The following RGS12 variants were observed in gnomAD, a reference collection of about 807,000 sequenced individuals.
RGS12 encodes regulator of G-protein signaling 12.
Under a neutral mutation model 120.1 loss-of-function variants are expected in RGS12, and 66 were observed. The observed-to-expected ratio is 0.55, with a 90% CI of 0.45 to 0.67. The LOEUF (loss-of-function observed/expected upper bound fraction) is 0.67. Among genes scored for constraint, RGS12 ranks in the 30% least tolerant of loss-of-function variants. The pLI, the probability that RGS12 is intolerant of heterozygous loss-of-function variation, is 0.00. For missense variants in RGS12, 1,859 were observed against 1,957.7 expected (o/e 0.95, Z 0.95); for synonymous variants, 827 against 804.7 (o/e 1.03, Z -0.47).
At chr4:3,412,821 C>T (rs28489501) in intron 4 of RGS12, among the ~76,000 whole-genome samples, 7,507 of 152,364 alleles carry the variant, frequency 0.049, 588 homozygotes, top group African/African-American at 0.17. Flanking sequence ...AAGGACAGCC[C>T]GTGTGGGACA....
At chr4:3,347,102 A>G (rs542087844) in intron 3 of RGS12, among the ~76,000 whole-genome samples, 1 of 152,198 alleles carries the variant, frequency 6.6e-6, no homozygotes, top group South Asian at 2.1e-4. Flanking sequence ...TTTTGTTTTC[A>G]CAGAAGTATA....
intron 3 of RGS12, among the ~76,000 whole-genome samples, chr4:3,367,297 G>A (rs894382936): frequency 3.3e-5 from 5 of 152,266 alleles, no homozygotes; most frequent in East Asian, 3.9e-4. Flanking sequence ...GGCTGAGAAC[G>A]GCTCGCCCTT....
Position 3,316,051 on chromosome 4 carries a change from G to A in RGS12, c.-101-19G>A, listed in dbSNP as rs1578709169. ...AAGATGGGCTCTTTAATAATGAGCTGTTCGTTTTTCTTTCTTAGGGCACTG... is the reference window on the plus strand; with the variant it reads ...AAGATGGGCTCTTTAATAATGAGCTATTCGTTTTTCTTTCTTAGGGCACTG... On this transcript the variant is annotated intron_variant, in intron 1 of 17. Coordinates refer to ENST00000336727, the MANE Select transcript of RGS12 (RefSeq NM_001394154.1). 8.2e-6 allele frequency: 8 copies of A among 971,698 alleles called. No individual in the cohort carries two copies. The East Asian group carries it at 2.0e-4, about 24-fold the overall frequency. 60.2% of individuals were successfully genotyped at this position (971,698 alleles called of 1,614,324 possible). A position where few individuals can be genotyped will look rare whatever the true frequency, so the allele number is the denominator to read the frequency against.
At chr4:3,397,049 C>A (rs1397391202) in intron 4 of RGS12, among the ~76,000 whole-genome samples, 2 of 152,150 alleles carry the variant, frequency 1.3e-5, no homozygotes, top group Non-Finnish European at 2.9e-5. Context: ...TTTTAAAAAA[C>A]CATCTCTTCT....
chr4:3,423,400 G>A, intron 12 of RGS12, 115 bp from the exon 13 acceptor site: 1 of 1,376,546 alleles, frequency 7.3e-7, no homozygotes, highest in Admixed American at 1.7e-5. Context: ...CTGAACTGGG[G>A]GGCACACCGA....
intron 2 of RGS12, among the ~76,000 whole-genome samples, chr4:3,327,480 G>GT (rs1311375896): frequency 6.6e-6 from 1 of 152,214 alleles, no homozygotes; most frequent in East Asian, 1.9e-4. Flanking sequence ...AATCAACAGA[G>GT]TGAACAGATA....
At chr4:3,322,969 C>G (rs1182887708) in intron 2 of RGS12, among the ~76,000 whole-genome samples, 1 of 152,154 alleles carries the variant, frequency 6.6e-6, no homozygotes, top group Non-Finnish European at 1.5e-5. Context: ...TGGAGAAATA[C>G]CTTATGGGTG....
chr4:3,360,017 C>A (rs1443426369), intron 3 of RGS12, among the ~76,000 whole-genome samples: 1 of 152,178 alleles, frequency 6.6e-6, no homozygotes, highest in Non-Finnish European at 1.5e-5. Context: ...GCCTTGGCCT[C>A]CCAAAGTGCT....
chr4:3,370,027 A>G, intron 3 of RGS12: 2 of 1,256,536 alleles, frequency 1.6e-6, no homozygotes, highest in South Asian at 3.4e-5. Flanking sequence ...GAAATAGTTT[A>G]AAAATGATCT....
chr4:3,353,945 A>G (rs1264133019), intron 3 of RGS12, among the ~76,000 whole-genome samples: 2 of 152,146 alleles, frequency 1.3e-5, no homozygotes, highest in Non-Finnish European at 2.9e-5. Flanking sequence ...CAAGTGGCCA[A>G]CAGCCCTATG....
chr4:3,379,043 G>GTGTGTA (rs1366554186), intron 3 of RGS12, among the ~76,000 whole-genome samples: 1,372 of 135,384 alleles, frequency 0.01, 28 homozygotes, highest in African/African-American at 0.034. Flanking sequence ...GTGTGTGTGT[G>GTGTGTA]TGTTTAGAGA....
chr4:3,410,173 A>G (rs181091556), intron 4 of RGS12, among the ~76,000 whole-genome samples: 2 of 152,370 alleles, frequency 1.3e-5, no homozygotes, highest in East Asian at 3.9e-4. Flanking sequence ...AGCATAAAAT[A>G]TAGCAAGGTT....
intron 4 of RGS12, among the ~76,000 whole-genome samples, chr4:3,402,274 G>T (rs16844276): frequency 6.6e-6 from 1 of 152,166 alleles, no homozygotes; most frequent in African/African-American, 2.4e-5. Flanking sequence ...TGGCCACCAT[G>T]GCTGAGAGCA....
chr4:3,287,487 G>A, the RGS12 span, among the ~76,000 whole-genome samples: 23 of 152,332 alleles, frequency 1.5e-4, no homozygotes, highest in African/African-American at 5.0e-4. Context: ...AGGGGTTCAC[G>A]CCACACACGT....
intron 17 of RGS12, among the ~76,000 whole-genome samples, chr4:3,436,251 G>C (rs982796158): frequency 2.6e-5 from 4 of 152,156 alleles, no homozygotes; most frequent in East Asian, 3.9e-4. Context: ...AGGCTGGGAA[G>C]GGAAGGGGCC....
At chr4:3,291,024 G>A (rs983329137), upstream of RGS12, among the ~76,000 whole-genome samples, 12 of 152,236 alleles carry the variant, frequency 7.9e-5, no homozygotes, top group African/African-American at 1.7e-4. Context: ...CCCCCCTGCT[G>A]GGCATGAGTT....
At chr4:3,330,363 C>G (rs1711697828) in intron 2 of RGS12, among the ~76,000 whole-genome samples, 2 of 152,158 alleles carry the variant, frequency 1.3e-5, no homozygotes, top group South Asian at 4.1e-4. Context: ...AGCAAGTTTA[C>G]AGGGAGATTT....
Position 3,344,260 on chromosome 4 carries a change from G to A in RGS12, c.1998+1207G>A, listed in dbSNP as rs74485286. 6.4e-4 allele frequency among the ~76,000 whole-genome samples: 97 copies of A among 152,288 alleles called. 3 individuals carry two copies. In the East Asian group the frequency reaches 0.018, roughly 28 times the overall value. ...GGCCTGTTTAGCTTTGGTCTCTCCGGGGAACTCGAGGGCAGGTCAGGGCTA... is the reference window on the plus strand; with the variant it reads ...GGCCTGTTTAGCTTTGGTCTCTCCGAGGAACTCGAGGGCAGGTCAGGGCTA... On this transcript the variant is annotated intron_variant, in intron 3 of 17. Coordinates refer to ENST00000336727, the MANE Select transcript of RGS12 (RefSeq NM_001394154.1).
At chr4:3,436,661 G>T (rs1724835170) in intron 17 of RGS12, among the ~76,000 whole-genome samples, 1 of 152,214 alleles carries the variant, frequency 6.6e-6, no homozygotes, top group South Asian at 2.1e-4. Flanking sequence ...GTGGGGCGGG[G>T]TCCTGCCCCA....
Sources: allele counts gnomAD v4.1 joint callset (sites outside exome capture counted in the v4.1 genomes callset), GRCh38; gene constraint gnomAD v4.1.1; transcripts MANE v1.5; gene names NCBI Gene and HGNC (gene_info 2026-07-23, HGNC 2026-07-21).